Variants in CCDC180 observed in about 807,000 individuals in gnomAD.
CCDC180 encodes the protein coiled-coil domain containing 180, also known as coiled-coil domain-containing protein 180.
CCDC180 carries 154 observed loss-of-function variants against 209.2 expected under a neutral mutation model. The observed-to-expected ratio is 0.74, with a 90% CI of 0.65 to 0.84. CCDC180 has a LOEUF of 0.84. Among genes scored for constraint, CCDC180 ranks in the 40% least tolerant of loss-of-function variants. The probability of loss-of-function intolerance (pLI) is 0.00; values close to 1 mark genes in which losing one functional copy is unlikely to be tolerated. For synonymous variants in CCDC180, 778 were observed against 749.1 expected (o/e 1.04, Z -0.63); for missense variants, 1,874 against 1,997.3 (o/e 0.94, Z 1.18).
In CCDC180 at chr9:97,354,654, T is replaced by G; in HGVS notation, c.3088T>G (p.Leu1030Val). The change falls in exon 23 of 37, where the codon TTG becomes GTG. Residue 1030 changes from leucine to valine, a missense_variant. By Grantham distance (32) the Leu-to-Val change is conservative. Coordinates refer to ENST00000529487, the MANE Select transcript of CCDC180 (RefSeq NM_020893.6). ...RLEKEAARIE[L>V]VESVIMLNME... is the part of the protein sequence containing the mutation. Reference sequence around the variant, plus strand: ...GGAGAAGGAAGCTGCCCGGATAGAGTTGGTTGAAAGTGTCATCATGCTCAA... The same window carrying G: ...GGAGAAGGAAGCTGCCCGGATAGAGGTGGTTGAAAGTGTCATCATGCTCAA... The G allele has an allele frequency of 6.2e-7, 1 of 1,614,164 alleles. No individual in the cohort carries two copies. The highest frequency in any genetic ancestry group is 1.1e-5 in the South Asian group (1 of 91,084).
In CCDC180 at chr9:97,307,706, G is replaced by A. The variant is rs749056531; in HGVS notation, c.-182G>A. 23 of 1,601,214 alleles carry A rather than the reference G, an allele frequency of 1.4e-5. No individual in the cohort carries two copies. Among genetic ancestry groups the A allele is most frequent in the Non-Finnish European group, 1.8e-5 (21 of 1,168,732 alleles). ...AAGAGCATGGCAGAGTGAAGCACAA[G>A]CAATAATCCTGTATTATTCGCGTTC... On this transcript the variant is annotated 5_prime_UTR_variant, in exon 1 of 37. Transcript: ENST00000529487.
At chr9:97,338,033 A>C (rs1418336638) in intron 18 of CCDC180, among the ~76,000 whole-genome samples, 8 of 151,368 alleles carry the variant, frequency 5.3e-5, no homozygotes, top group Non-Finnish European at 1.0e-4. Flanking sequence ...TTTTTTATTG[A>C]GTCTATTTGA....
At chr9:97,319,677 A>G (rs970940196) in intron 10 of CCDC180, among the ~76,000 whole-genome samples, 1 of 152,100 alleles carries the variant, frequency 6.6e-6, no homozygotes, top group African/African-American at 2.4e-5. Flanking sequence ...TTTTTATGAC[A>G]CTATTTTTAA....
In CCDC180 at chr9:97,375,446, G is replaced by C. The variant is rs1174037374; in HGVS notation, c.4707-8G>C. The stretch of plus-strand genomic sequence containing the variant: ...GCCTGTGAGATTTTCACACATGTTT[G>C]TTTGTAGGAAGTGGCCAGGGATCAA... On this transcript the variant is annotated splice_region_variant and splice_polypyrimidine_tract_variant and intron_variant, in intron 35 of 36. Transcript: ENST00000529487. 1 of 1,614,164 alleles carries C rather than the reference G, an allele frequency of 6.2e-7. No individual in the cohort carries two copies.
chr9:97,326,915 C>T (rs967594329), intron 15 of CCDC180, among the ~76,000 whole-genome samples: 3 of 152,048 alleles, frequency 2.0e-5, no homozygotes, highest in African/African-American at 7.3e-5. Flanking sequence ...GAACATGGGG[C>T]CTTCTTTTAA....
Position 97,343,390 on chromosome 9 carries a change from G to T in CCDC180, c.2325G>T (p.Glu775Asp). The change falls in exon 19 of 37, where the codon GAG becomes GAT. Residue 775 changes from glutamate (E) to aspartate (D), a missense_variant. Transcript: ENST00000529487. ...GLEEIYYEDM[E>D]SFTISSGNTY... ...AGGAGATATACTATGAGGACATGGA[G>T]TCCTTCACAATCTCCAGTGGAAACA... is the stretch of plus-strand genomic sequence containing the variant. 6.2e-7 allele frequency: 1 copy of T among 1,613,780 alleles called. No homozygotes were observed. The highest frequency in any genetic ancestry group is 8.5e-7 in the Non-Finnish European group (1 of 1,179,706).
chr9:97,326,475 A>G, intron 14 of CCDC180, 79 bp from the exon 15 acceptor site: 1 of 828,032 alleles, frequency 1.2e-6, no homozygotes. Flanking sequence ...TTCCAGCAGC[A>G]GGGTCCCTGC....
At position 97,330,679 on chromosome 9, in the gene CCDC180, A is replaced by G. The variant is rs201559813; in HGVS notation, c.2186A>G (p.Lys729Arg). Residue 729 changes from lysine to arginine, a missense_variant, in exon 18 of 37, where the codon AAG (lysine) becomes AGG (arginine). Transcript: ENST00000529487. ...KKEESEEEDE[K>R]EEEEEEEKLE... ...GAGGAGTCAGAGGAGGAAGATGAGA[A>G]GGAGGAAGAGGAGGAGGAGGAGAAG... The G allele has an allele frequency of 1.0e-4, 159 of 1,563,902 alleles. No homozygotes were observed. In the East Asian group the frequency reaches 3.6e-3, roughly 35 times the overall value.
At chr9:97,326,886 C>T (rs1833551391) in intron 15 of CCDC180, among the ~76,000 whole-genome samples, 1 of 152,162 alleles carries the variant, frequency 6.6e-6, no homozygotes, top group Non-Finnish European at 1.5e-5. Context: ...GGTTTCAAAG[C>T]AATGCAGCTT....
At chr9:97,357,502 T>G in intron 24 of CCDC180, 125 bp from the exon 25 acceptor site, 1 of 711,754 alleles carries the variant, frequency 1.4e-6, no homozygotes, top group Non-Finnish European at 2.4e-6. Flanking sequence ...TAAAACTGCA[T>G]ATTTTTCCCT....
chr9:97,337,595 G>A (rs556707693), intron 18 of CCDC180, among the ~76,000 whole-genome samples: 81 of 152,306 alleles, frequency 5.3e-4, no homozygotes, highest in African/African-American at 1.8e-3. Flanking sequence ...TTGCATTGAT[G>A]TTCATCAGGG....
chr9:97,344,892 C>T (rs1006089261), intron 19 of CCDC180, among the ~76,000 whole-genome samples: 2 of 152,152 alleles, frequency 1.3e-5, no homozygotes, highest in African/African-American at 4.8e-5. Context: ...CCCAAGTCAC[C>T]ACTCTCTCTT....
chr9:97,317,055 G>GT lies in CCDC180; in HGVS notation c.796-9dup. ...GCCCTGTCTAGAGCCCTGCCCATCT[G>GT]TGACCACAGGTCATGAACTATGCCC... On this transcript the variant is annotated splice_polypyrimidine_tract_variant and intron_variant, in intron 8 of 36. Coordinates refer to ENST00000529487, the MANE Select transcript of CCDC180 (RefSeq NM_020893.6). The GT allele has an allele frequency of 6.2e-7, 1 of 1,604,098 alleles. No homozygotes were observed. Among genetic ancestry groups the GT allele is most frequent in the Non-Finnish European group, 8.5e-7 (1 of 1,172,968 alleles).
At chr9:97,371,436 G>A in intron 33 of CCDC180, 159 bp from the exon 34 acceptor site, 2 of 479,424 alleles carry the variant, frequency 4.2e-6, no homozygotes, top group Non-Finnish European at 7.6e-6. Context: ...TCTTGGGAGA[G>A]GCCTCCTGGC....
At chr9:97,313,412 C>G in intron 5 of CCDC180, 67 bp downstream of exon 5, 1 of 1,139,960 alleles carries the variant, frequency 8.8e-7, no homozygotes, top group South Asian at 1.3e-5. Flanking sequence ...TGTCATGGCT[C>G]CCAGCCTTCC....
intron 13 of CCDC180, 52 bp downstream of exon 13, chr9:97,323,955 C>T (rs1341133790): frequency 6.5e-7 from 1 of 1,542,078 alleles, no homozygotes; most frequent in Admixed American, 2.0e-5. Flanking sequence ...TTGGGGGTCC[C>T]CGGGGTTGCT....
upstream of CCDC180, chr9:97,307,516 A>G: frequency 3.3e-6 from 2 of 608,674 alleles, no homozygotes; most frequent in South Asian, 1.9e-5. Flanking sequence ...TCTTCTCAGC[A>G]CACAGTAGGC....
Position 97,312,561 on chromosome 9 carries a change from C to T in CCDC180, c.349+360C>T, listed in dbSNP as rs186526629. Among the ~76,000 whole-genome samples, 114 of 152,090 alleles carry T rather than the reference C, an allele frequency of 7.5e-4. 1 individual carries two copies. Among genetic ancestry groups the T allele is most frequent in the Admixed American group, 7.5e-3 (114 of 15,290 alleles). ...TTATCCTAATATAGAAACCTTTTTT[C>T]TTTATGATTAAAAAAGTAATACACG... is the stretch of plus-strand genomic sequence containing the variant. On this transcript the variant is annotated intron_variant, in intron 4 of 36. Transcript: ENST00000529487.
chr9:97,316,983 C>T, intron 8 of CCDC180, 82 bp from the exon 9 acceptor site: 5 of 1,368,418 alleles, frequency 3.7e-6, no homozygotes, highest in Non-Finnish European at 5.0e-6. Context: ...TCCAGCCTCC[C>T]ACTGCTCCTC....
Sources: allele counts gnomAD v4.1 joint callset (sites outside exome capture counted in the v4.1 genomes callset), GRCh38; gene constraint gnomAD v4.1.1; transcripts MANE v1.5; gene names NCBI Gene and HGNC (gene_info 2026-07-23, HGNC 2026-07-21).